The following KCND2 variants were observed in gnomAD, a reference collection of about 807,000 sequenced individuals.
The protein encoded by KCND2 is A-type voltage-gated potassium channel KCND2.
In KCND2, 16 loss-of-function variants were observed where a neutral mutation model predicts 54.4. That is an observed-to-expected ratio of 0.29 (90% CI 0.20 to 0.45). The LOEUF is 0.45. Among genes scored for constraint, KCND2 ranks in the 20% least tolerant of loss-of-function variants. KCND2 has a pLI of 1.00. For missense variants in KCND2, 486 were observed against 824.2 expected (o/e 0.59, Z 5.02); for synonymous variants, 317 against 310.7 (o/e 1.02, Z -0.21).
chr7:120,479,939 C>G (rs1478937138), intron 1 of KCND2, among the ~76,000 whole-genome samples: 1 of 145,738 alleles, frequency 6.9e-6, no homozygotes, highest in Non-Finnish European at 1.5e-5. Flanking sequence ...TGCACTCCAG[C>G]CTGGGTGACA....
At chr7:120,345,366 T>C (rs1285743165) in intron 1 of KCND2, among the ~76,000 whole-genome samples, 2 of 152,126 alleles carry the variant, frequency 1.3e-5, no homozygotes, top group African/African-American at 4.8e-5. Flanking sequence ...TGTCAAAAAG[T>C]AATTTTTTAA....
At position 120,703,605 on chromosome 7, in the gene KCND2, C is replaced by T. The variant is rs117522873; in HGVS notation, c.1116-29298C>T. Among the ~76,000 whole-genome samples, 538 of 152,288 alleles carry T rather than the reference C, an allele frequency of 3.5e-3. 4 individuals are homozygous for T. The highest frequency in any genetic ancestry group is 6.6e-3 in the Non-Finnish European group (448 of 68,034). On this transcript the variant is annotated intron_variant, in intron 1 of 5. Coordinates refer to ENST00000331113, the MANE Select transcript of KCND2 (RefSeq NM_012281.3). ...TCAGAAGAACAGTTATTACACAGCA[C>T]TAGAACCTGAATTGGGGCCCTAAGT...
At chr7:120,540,375 A>G (rs956055698) in intron 1 of KCND2, among the ~76,000 whole-genome samples, 8 of 152,210 alleles carry the variant, frequency 5.3e-5, no homozygotes, top group African/African-American at 1.9e-4. Context: ...CTATAAATTT[A>G]CAATATATTT....
chr7:120,405,432 A>C (rs1039353075), intron 1 of KCND2, among the ~76,000 whole-genome samples: 6 of 152,146 alleles, frequency 3.9e-5, no homozygotes, highest in Non-Finnish European at 8.8e-5. Flanking sequence ...ACTGATACAA[A>C]TGAAGCTTAG....
At chr7:120,639,725 GA>G (rs1459568420) in intron 1 of KCND2, among the ~76,000 whole-genome samples, 1 of 152,102 alleles carries the variant, frequency 6.6e-6, no homozygotes, top group Non-Finnish European at 1.5e-5. Context: ...TCTTAAAGCC[GA>G]AAAGTTTGTC....
intron 1 of KCND2, among the ~76,000 whole-genome samples, chr7:120,615,994 AC>A (rs1434806483): frequency 1.3e-5 from 2 of 152,048 alleles, no homozygotes; most frequent in Non-Finnish European, 2.9e-5. Context: ...TTTATCCTTC[AC>A]TAGACTATGA....
chr7:120,552,866 C>T (rs778653369), intron 1 of KCND2, among the ~76,000 whole-genome samples: 2 of 152,142 alleles, frequency 1.3e-5, no homozygotes, highest in Non-Finnish European at 2.9e-5. Context: ...ACTCTTTTGT[C>T]TATAGTTTTT....
chr7:120,527,711 A>C (rs375201275), intron 1 of KCND2, among the ~76,000 whole-genome samples: 2 of 152,128 alleles, frequency 1.3e-5, no homozygotes, highest in African/African-American at 4.8e-5. Flanking sequence ...CAAATAAATA[A>C]ATTCATGTAC....
chr7:120,346,486 G>T (rs1364662029), intron 1 of KCND2, among the ~76,000 whole-genome samples: 2 of 152,122 alleles, frequency 1.3e-5, no homozygotes, highest in African/African-American at 2.4e-5. Flanking sequence ...CAAGGATAAG[G>T]TTAGGAGCTT....
chr7:120,556,325 C>T (rs1306244100), intron 1 of KCND2, among the ~76,000 whole-genome samples: 1 of 152,132 alleles, frequency 6.6e-6, no homozygotes, highest in Non-Finnish European at 1.5e-5. Flanking sequence ...CTGATCACCC[C>T]ACAGTACAAA....
chr7:120,601,699 T>G (rs1166854633), intron 1 of KCND2, among the ~76,000 whole-genome samples: 4 of 152,264 alleles, frequency 2.6e-5, no homozygotes, highest in African/African-American at 9.6e-5. Context: ...GAGTTGACCT[T>G]GAACTACTGT....
chr7:120,309,173 T>C (rs1165403399), intron 1 of KCND2, among the ~76,000 whole-genome samples: 1 of 152,066 alleles, frequency 6.6e-6, no homozygotes, highest in East Asian at 1.9e-4. Context: ...AAGGTCGTTA[T>C]AGGGAAGAGC....
intron 1 of KCND2, among the ~76,000 whole-genome samples, chr7:120,623,128 T>G (rs1793122349): frequency 6.6e-6 from 1 of 152,194 alleles, no homozygotes; most frequent in African/African-American, 2.4e-5. Flanking sequence ...GTTTAACTTT[T>G]GGTATTCTAT....
intron 1 of KCND2, among the ~76,000 whole-genome samples, chr7:120,498,405 A>G (rs1041129873): frequency 9.9e-5 from 15 of 151,950 alleles, no homozygotes; most frequent in African/African-American, 3.1e-4. Flanking sequence ...ACTTGAACCC[A>G]GGAGGCAGTG....
intron 1 of KCND2, among the ~76,000 whole-genome samples, chr7:120,361,806 G>A (rs1248846105): frequency 6.6e-6 from 1 of 152,062 alleles, no homozygotes; most frequent in Non-Finnish European, 1.5e-5. Flanking sequence ...AGGTTCCAAA[G>A]TAAGTTCTAA....
chr7:120,367,783 A>G (rs1371073755), intron 1 of KCND2, among the ~76,000 whole-genome samples: 2 of 152,002 alleles, frequency 1.3e-5, no homozygotes, highest in African/African-American at 4.8e-5. Context: ...ACTAGTGACC[A>G]GTTACTTTTA....
chr7:120,493,682 T>G (rs1214096674), intron 1 of KCND2, among the ~76,000 whole-genome samples: 1 of 152,100 alleles, frequency 6.6e-6, no homozygotes, highest in Non-Finnish European at 1.5e-5. Context: ...ATATGACACC[T>G]GCTTGATTTG....
intron 1 of KCND2, among the ~76,000 whole-genome samples, chr7:120,710,241 C>A (rs1792520889): frequency 6.6e-6 from 1 of 152,038 alleles, no homozygotes; most frequent in Non-Finnish European, 1.5e-5. Context: ...TTGTAACTGG[C>A]AAAGGAGGCA....
intron 1 of KCND2, among the ~76,000 whole-genome samples, chr7:120,277,399 T>G (rs1799192070): frequency 6.6e-6 from 1 of 152,004 alleles, no homozygotes; most frequent in Non-Finnish European, 1.5e-5. Context: ...GAGATCCTTA[T>G]TAAGGACAAA....
Sources: gnomAD v4.1 joint callset for allele counts (sites outside exome capture counted in the v4.1 genomes callset) on GRCh38, gnomAD v4.1.1 for gene constraint, MANE v1.5 for transcripts, NCBI Gene and HGNC (gene_info 2026-07-23, HGNC 2026-07-21) for gene names.